The following MARCHF1 variants were observed in gnomAD, a reference collection of about 807,000 sequenced individuals.
MARCHF1 encodes the protein E3 ubiquitin-protein ligase MARCHF1.
In MARCHF1, 40 loss-of-function variants were observed where a neutral mutation model predicts 54.2. That is an observed-to-expected ratio of 0.74 (90% CI 0.57 to 0.96). MARCHF1 has a LOEUF of 0.96. Among genes scored for constraint, MARCHF1 ranks in the 40% least tolerant of loss-of-function variants. The probability of loss-of-function intolerance (pLI) is 0.00; values close to 1 mark genes in which losing one functional copy is unlikely to be tolerated. For synonymous variants in MARCHF1, 236 were observed against 236.3 expected, an observed-to-expected ratio of 1.00 and a Z score of 0.01; for missense variants, 586 against 656.5, an observed-to-expected ratio of 0.89 and a Z score of 1.17.
intron 1 of MARCHF1, among the ~76,000 whole-genome samples, chr4:164,199,632 T>TCACACACACA (rs376565727): frequency 3.5e-5 from 4 of 114,772 alleles, no homozygotes; most frequent in Admixed American, 9.5e-5. Context: ...CAGGACTCTG[T>TCACACACACA]CACACACACA....
intron 3 of MARCHF1, among the ~76,000 whole-genome samples, chr4:163,883,700 G>T (rs1750469930): frequency 6.6e-6 from 1 of 152,014 alleles, no homozygotes; most frequent in African/African-American, 2.4e-5. Flanking sequence ...GTTGCATGGG[G>T]CATACTTGTT....
chr4:164,045,416 G>A (rs896045604), intron 2 of MARCHF1, among the ~76,000 whole-genome samples: 4 of 152,094 alleles, frequency 2.6e-5, no homozygotes, highest in Admixed American at 6.6e-5. Flanking sequence ...GGAGGCTGAG[G>A]CAGGAGAATC....
intron 1 of MARCHF1, among the ~76,000 whole-genome samples, chr4:164,174,343 A>G (rs1730607287): frequency 6.6e-6 from 1 of 152,220 alleles, no homozygotes; most frequent in African/African-American, 2.4e-5. Context: ...ACAGGGCTTA[A>G]AAGTGAGCAT....
rs542831157 is a variant in MARCHF1 at position 164,378,415 on chromosome 4, A to G, written c.-323+5455T>C. Among the ~76,000 whole-genome samples, 4 of 152,376 alleles carry G rather than the reference A, an allele frequency of 2.6e-5. 1 individual carries two copies. In the South Asian group the frequency reaches 8.3e-4, roughly 32 times the overall value. On this transcript the variant is annotated intron_variant, in intron 1 of 9. Transcript: ENST00000514618. The stretch of plus-strand genomic sequence containing the variant: ...GATTTGCTAAAGCCTGAAGTTACAC[A>G]TATGAGTGGAGGCTAAGACACTGAG...
chr4:164,161,536 T>TCAG (rs954379757), intron 1 of MARCHF1, among the ~76,000 whole-genome samples: 8 of 149,910 alleles, frequency 5.3e-5, no homozygotes, highest in African/African-American at 2.0e-4. Flanking sequence ...ATCATCATCA[T>TCAG]CATCATCATC....
chr4:164,098,060 A>G lies in MARCHF1; in HGVS notation c.-248+13528T>C, dbSNP rs541905204. Among the ~76,000 whole-genome samples, 11 of 152,330 alleles carry G rather than the reference A, an allele frequency of 7.2e-5. No individual in the cohort carries two copies. In the East Asian group the frequency reaches 2.1e-3, roughly 29 times the overall value. On this transcript the variant is annotated intron_variant, in intron 2 of 9. Transcript: ENST00000514618. ...TGGGATATCTTTATCATTAAGGTAG[A>G]AAGCAGTGATAAGTGAGAGCTGACA...
At position 164,310,356 on chromosome 4, in the gene MARCHF1, G is replaced by T. The variant is rs568895728; in HGVS notation, c.-323+73514C>A. On this transcript the variant is annotated intron_variant, in intron 1 of 9. Transcript: ENST00000514618. ...TTCCCAAAGGGCTGAGATTACAGGC[G>T]TGAGCCACCACGCCTGGCCACATGA... 3.3e-5 allele frequency among the ~76,000 whole-genome samples: 5 copies of T among 152,232 alleles called. No individual in the cohort carries two copies. The South Asian group carries it at 6.2e-4, about 19-fold the overall frequency.
chr4:163,649,349 A>G (rs1252939430), intron 5 of MARCHF1, among the ~76,000 whole-genome samples: 1 of 152,114 alleles, frequency 6.6e-6, no homozygotes, highest in Non-Finnish European at 1.5e-5. Context: ...GCCTAATGGT[A>G]CAATGAAAGA....
intron 3 of MARCHF1, among the ~76,000 whole-genome samples, chr4:163,875,685 A>G (rs1027928756): frequency 6.6e-6 from 1 of 152,224 alleles, no homozygotes; most frequent in Non-Finnish European, 1.5e-5. Flanking sequence ...AAACCAAACT[A>G]TACAAAATAT....
intron 3 of MARCHF1, among the ~76,000 whole-genome samples, chr4:163,885,707 T>C (rs555559652): frequency 6.6e-6 from 1 of 152,070 alleles, no homozygotes; most frequent in South Asian, 2.1e-4. Flanking sequence ...CCAATTTATG[T>C]ATGTTTTTAT....
At chr4:163,641,502 T>C (rs1742555011) in intron 5 of MARCHF1, among the ~76,000 whole-genome samples, 1 of 152,176 alleles carries the variant, frequency 6.6e-6, no homozygotes, top group Non-Finnish European at 1.5e-5. Context: ...TTACCACATA[T>C]AAGACGAGAA....
intron 8 of MARCHF1, among the ~76,000 whole-genome samples, chr4:163,552,050 G>A (rs553481906): frequency 6.6e-6 from 1 of 152,238 alleles, no homozygotes; most frequent in South Asian, 2.1e-4. Context: ...AATGCTCTGT[G>A]AGTCTATCAT....
At chr4:163,761,704 C>T (rs1395583898) in intron 4 of MARCHF1, among the ~76,000 whole-genome samples, 1 of 152,172 alleles carries the variant, frequency 6.6e-6, no homozygotes, top group African/African-American at 2.4e-5. Context: ...AAATGTTCTT[C>T]AGTCTAGCCA....
chr4:164,380,456 C>T (rs368672851), intron 1 of MARCHF1, among the ~76,000 whole-genome samples: 16 of 152,298 alleles, frequency 1.1e-4, no homozygotes, highest in Admixed American at 2.6e-4. Flanking sequence ...CAGACTCCGA[C>T]CCTTGTCCTC....
intron 1 of MARCHF1, among the ~76,000 whole-genome samples, chr4:164,208,228 G>C (rs1365185182): frequency 6.6e-6 from 1 of 152,168 alleles, no homozygotes; most frequent in East Asian, 1.9e-4. Flanking sequence ...CAAGACTGTG[G>C]AAAGTAACTC....
intron 1 of MARCHF1, among the ~76,000 whole-genome samples, chr4:164,196,116 A>G (rs1481961604): frequency 6.6e-6 from 1 of 152,138 alleles, no homozygotes; most frequent in Non-Finnish European, 1.5e-5. Flanking sequence ...TATTAGTTTC[A>G]TTCATGTTAT....
chr4:164,188,741 A>G (rs1731045040), intron 1 of MARCHF1: 8 of 1,001,708 alleles, frequency 8.0e-6, no homozygotes, highest in Middle Eastern at 4.1e-4. Flanking sequence ...GGTAGTTGAA[A>G]AGAAAACTAA....
intron 3 of MARCHF1, among the ~76,000 whole-genome samples, chr4:163,858,370 T>C (rs1749827941): frequency 6.6e-6 from 1 of 152,098 alleles, no homozygotes. Context: ...CCTCAACTAT[T>C]TCCTTCCTCA....
At chr4:163,606,159 A>T (rs530925219) in intron 7 of MARCHF1, among the ~76,000 whole-genome samples, 1 of 152,280 alleles carries the variant, frequency 6.6e-6, no homozygotes, top group East Asian at 1.9e-4. Context: ...CTAGAGCATT[A>T]CCAGGAGTTA....
Sources: gnomAD v4.1 joint callset for allele counts (sites outside exome capture counted in the v4.1 genomes callset) on GRCh38, gnomAD v4.1.1 for gene constraint, MANE v1.5 for transcripts, NCBI Gene and HGNC (gene_info 2026-07-23, HGNC 2026-07-21) for gene names.